PDZK1: variants seen among roughly 807,000 people sequenced by gnomAD.
PDZK1 encodes the protein PDZ domain containing 1.
A neutral mutation model predicts 38.1 loss-of-function variants in PDZK1; 23 were observed. The observed-to-expected ratio is 0.60, with a 90% CI of 0.43 to 0.85. PDZK1 has a LOEUF of 0.85. Among genes scored for constraint, PDZK1 ranks in the 40% least tolerant of loss-of-function variants. PDZK1 has a pLI of 0.00. For synonymous variants in PDZK1, 98 were observed against 186.2 expected, an observed-to-expected ratio of 0.53 and a Z score of 3.86; for missense variants, 297 against 504.3, an observed-to-expected ratio of 0.59 and a Z score of 3.94.
intron 3 of PDZK1, 108 bp from the exon 4 acceptor site, chr1:145,682,744 C>T (rs1244674940): frequency 1.2e-5 from 17 of 1,362,552 alleles, no homozygotes; most frequent in African/African-American, 1.0e-4. Context: ...GATTGCCTCC[C>T]GATTTCTACT....
At chr1:145,675,746 G>A (rs1305898653) in intron 6 of PDZK1, among the ~76,000 whole-genome samples, 1 of 152,098 alleles carries the variant, frequency 6.6e-6, no homozygotes, top group Non-Finnish European at 1.5e-5. Context: ...GCCGGGCTTG[G>A]TGGCTCATGC....
chr1:145,688,558 AG>A (rs1654996008), intron 1 of PDZK1, among the ~76,000 whole-genome samples: 1 of 152,200 alleles, frequency 6.6e-6, no homozygotes, highest in East Asian at 1.9e-4. Flanking sequence ...TCTTGGGAAT[AG>A]GGAGCGGGAT....
chr1:145,702,389 T>G (rs1553705101), intron 1 of PDZK1, among the ~76,000 whole-genome samples: 1 of 152,084 alleles, frequency 6.6e-6, no homozygotes, highest in African/African-American at 2.4e-5. Context: ...ACCCTCATGC[T>G]GCTGATAGAC....
intron 1 of PDZK1, among the ~76,000 whole-genome samples, chr1:145,692,435 G>A (rs1321587571): frequency 6.6e-6 from 1 of 152,186 alleles, no homozygotes; most frequent in Non-Finnish European, 1.5e-5. Context: ...TCTGGGCCTG[G>A]CATGGTGGCT....
At chr1:145,702,565 T>C (rs1251026976) in intron 1 of PDZK1, among the ~76,000 whole-genome samples, 1 of 152,034 alleles carries the variant, frequency 6.6e-6, no homozygotes, top group Non-Finnish European at 1.5e-5. Context: ...TTTATTATAC[T>C]ACCATCTCAA....
intron 1 of PDZK1, among the ~76,000 whole-genome samples, chr1:145,705,836 G>A (rs965530627): frequency 1.5e-4 from 23 of 152,004 alleles, no homozygotes; most frequent in Non-Finnish European, 2.8e-4. Flanking sequence ...CTGTAGCCTC[G>A]ACCCCCTGGG....
intron 1 of PDZK1, among the ~76,000 whole-genome samples, chr1:145,696,856 G>A (rs1655658492): frequency 6.6e-6 from 1 of 152,170 alleles, no homozygotes; most frequent in African/African-American, 2.4e-5. Context: ...GTTTGAGGTA[G>A]GTTTCAATTA....
chr1:145,687,241 C>T (rs587685303), intron 2 of PDZK1, among the ~76,000 whole-genome samples: 32 of 151,796 alleles, frequency 2.1e-4, no homozygotes, highest in African/African-American at 7.0e-4. Flanking sequence ...AATTGCTGGC[C>T]GAGCGTGGTG....
chr1:145,687,671 G>A, intron 2 of PDZK1, 141 bp downstream of exon 2: 1 of 692,206 alleles, frequency 1.4e-6, no homozygotes, highest in South Asian at 1.7e-5. Context: ...GCCAACACAA[G>A]GTACAGCAAT....
chr1:145,683,278 T>C (rs1654438084), intron 3 of PDZK1, among the ~76,000 whole-genome samples: 1 of 152,280 alleles, frequency 6.6e-6, no homozygotes, highest in Non-Finnish European at 1.5e-5. Context: ...TTGAATAGAA[T>C]TTCTGAGGTC....
At chr1:145,677,864 C>T (rs1653840293) in intron 6 of PDZK1, among the ~76,000 whole-genome samples, 1 of 144,554 alleles carries the variant, frequency 6.9e-6, no homozygotes, top group South Asian at 2.2e-4. Flanking sequence ...AGAAGGCCCC[C>T]CAGGTTATCT....
At chr1:145,672,331 A>G (rs587614202) in intron 8 of PDZK1, among the ~76,000 whole-genome samples, 19 of 151,258 alleles carry the variant, frequency 1.3e-4, no homozygotes, top group African/African-American at 4.1e-4. Context: ...CCTGATAACA[A>G]TCCTACAAAT....
chr1:145,689,354 C>G (rs1443093851), intron 1 of PDZK1, among the ~76,000 whole-genome samples: 5 of 152,194 alleles, frequency 3.3e-5, no homozygotes, highest in African/African-American at 1.2e-4. Context: ...GCTGGAATTA[C>G]AGAATGAGCC....
intron 1 of PDZK1, among the ~76,000 whole-genome samples, chr1:145,700,752 C>G (rs1655911975): frequency 6.6e-6 from 1 of 152,128 alleles, no homozygotes; most frequent in Non-Finnish European, 1.5e-5. Context: ...AGGATTATTC[C>G]ATAAATATAG....
chr1:145,692,200 T>C (rs1321976781), intron 1 of PDZK1, among the ~76,000 whole-genome samples: 1 of 152,100 alleles, frequency 6.6e-6, no homozygotes, highest in Admixed American at 6.5e-5. Flanking sequence ...CTATTTTCCA[T>C]AGGAAAGAAA....
intron 1 of PDZK1, among the ~76,000 whole-genome samples, chr1:145,701,375 T>C (rs1655951749): frequency 6.6e-6 from 1 of 151,366 alleles, no homozygotes; most frequent in South Asian, 2.1e-4. Context: ...CCGGCAACAT[T>C]AAACCTAGAC....
intron 6 of PDZK1, among the ~76,000 whole-genome samples, chr1:145,676,635 G>A (rs1571579626): frequency 6.7e-6 from 1 of 148,772 alleles, no homozygotes; most frequent in African/African-American, 2.5e-5. Flanking sequence ...CTGAGGCAGG[G>A]GAATCGCTTG....
At chr1:145,674,379 A>G (rs1315294321) in intron 6 of PDZK1, 2 of 532,650 alleles carry the variant, frequency 3.8e-6, no homozygotes, top group East Asian at 1.5e-4. Flanking sequence ...AGTTAATTTT[A>G]GATGCCAACT....
At chr1:145,686,793 C>CA (rs1441224458) in intron 2 of PDZK1, 67 bp from the exon 3 acceptor site, 14 of 740,704 alleles carry the variant, frequency 1.9e-5, no homozygotes, top group African/African-American at 1.6e-4. Flanking sequence ...AAATGCTGAC[C>CA]ATCTGGCTCA....
Sources: allele counts gnomAD v4.1 joint callset (sites outside exome capture counted in the v4.1 genomes callset), GRCh38; gene constraint gnomAD v4.1.1; transcripts MANE v1.5; gene names NCBI Gene and HGNC (gene_info 2026-07-23, HGNC 2026-07-21).